UNCX: variants seen among roughly 807,000 people sequenced by gnomAD.
UNCX encodes the protein UNC homeobox.
A neutral mutation model predicts 14.8 loss-of-function variants in UNCX; 4 were observed. The ratio of observed to expected loss-of-function variants is 0.27; its 90% CI spans 0.13 to 0.62. The LOEUF is 0.62. UNCX is among the 20% of genes least tolerant of loss of function. The pLI is 0.86. For synonymous variants in UNCX, 459 were observed against 395.8 expected (o/e 1.16, Z -1.90); for missense variants, 749 against 786.8 (o/e 0.95, Z 0.58).
chr7:1,233,416 C>CCG lies in UNCX; in HGVS notation c.275-103_275-102insGC, dbSNP rs997917352. The CCG allele has an allele frequency of 6.2e-5, 52 of 839,576 alleles. No individual in the cohort carries two copies. The highest frequency in any genetic ancestry group is 7.5e-5 in the Non-Finnish European group (52 of 694,910). The allele number at this position is 839,576 out of a possible 1,614,324, so 52.0% of individuals were successfully genotyped here. A position where few individuals can be genotyped will look rare whatever the true frequency, so the allele number is the denominator to read the frequency against. On this transcript the variant is annotated intron_variant, in intron 1 of 2. Transcript: ENST00000316333. The surrounding 1 kb of genome is among the most constrained non-coding windows in gnomAD (Gnocchi z 5.3). ...CGGCTCCTAGGCGGCCGTCTCTGCG[C>CCG]CCCCCCCCCCGGATCCAGGCGGCCA...
In UNCX at chr7:1,236,044, G is replaced by C. The variant is rs770153027; in HGVS notation, c.663G>C (p.Ser221=). ...LLKSQGRHLH[S]PGGLSLHSAP... ...AGAGCCAGGGCCGCCACTTGCACTC[G>C]CCCGGCGGCCTGTCCCTGCACAGCG... The change falls in exon 3 of 3, where the codon TCG becomes TCC. Residue 221 remains serine, a synonymous_variant. Transcript: ENST00000316333. The surrounding 1 kb of genome is among the most constrained non-coding windows in gnomAD (Gnocchi z 6.9). 2.5e-6 allele frequency: 4 copies of C among 1,602,312 alleles called. No homozygotes were observed. In the South Asian group the frequency reaches 4.5e-5, roughly 18 times the overall value.
Position 1,236,046 on chromosome 7 carries a change from C to A in UNCX, c.665C>A (p.Pro222His), listed in dbSNP as rs1182223977. 3 of 1,602,328 alleles carry A rather than the reference C, an allele frequency of 1.9e-6. No homozygotes were observed. The highest frequency in any genetic ancestry group is 2.6e-6 in the Non-Finnish European group (3 of 1,175,682). Residue 222 changes from proline to histidine, a missense_variant, in exon 3 of 3, where the codon CCC becomes CAC. Transcript: ENST00000316333. The surrounding 1 kb of genome is among the most constrained non-coding windows in gnomAD (Gnocchi z 6.9). ...AGCCAGGGCCGCCACTTGCACTCGC[C>A]CGGCGGCCTGTCCCTGCACAGCGCG... ...LKSQGRHLHS[P>H]GGLSLHSAPS... is the part of the protein sequence containing the mutation.
chr7:1,235,800 G>A (rs755009159), intron 2 of UNCX, 32 bp from the exon 3 acceptor site: 3 of 1,589,822 alleles, frequency 1.9e-6, no homozygotes, highest in Non-Finnish European at 1.7e-6. Context: ...CCGCCTGATT[G>A]TGGCTTCCTC....
chr7:1,237,021 T>C lies in UNCX; in HGVS notation c.*44T>C. ...AGGCGCGTAGCCGGCCCGCGGCCGC[T>C]CGCTCAGGCTCCGACTCACGCAACG... is the stretch of plus-strand genomic sequence containing the variant. On this transcript the variant is annotated 3_prime_UTR_variant, in exon 3 of 3. Transcript: ENST00000316333. This position sits in a 1 kb window ranked among gnomAD's most constrained non-coding sequence, Gnocchi z 5.8. The C allele has an allele frequency of 8.8e-7, 1 of 1,132,432 alleles. No homozygotes were observed. Among genetic ancestry groups the C allele is most frequent in the Non-Finnish European group, 1.1e-6 (1 of 923,858 alleles). 70.1% of individuals were successfully genotyped at this position (1,132,432 alleles called of 1,614,324 possible).
rs866965676 is a variant in UNCX at position 1,233,420 on chromosome 7, C to G, written c.275-100C>G. On this transcript the variant is annotated intron_variant, in intron 1 of 2. Transcript: ENST00000316333. The surrounding 1 kb of genome is among the most constrained non-coding windows in gnomAD (Gnocchi z 5.3). ...TCCTAGGCGGCCGTCTCTGCGCCCCCCCCCCCGGATCCAGGCGGCCAGCGG... is the reference window on the plus strand; with the variant it reads ...TCCTAGGCGGCCGTCTCTGCGCCCCGCCCCCCGGATCCAGGCGGCCAGCGG... The G allele has an allele frequency of 1.9e-4, 259 of 1,373,350 alleles. 6 individuals carry two copies. In the African/African-American group the frequency reaches 3.6e-3, roughly 19 times the overall value. 85.1% of individuals were successfully genotyped at this position (1,373,350 alleles called of 1,614,324 possible). A position where few individuals can be genotyped will look rare whatever the true frequency, so the allele number is the denominator to read the frequency against.
At chr7:1,235,441 C>G (rs1778720071) in intron 2 of UNCX, among the ~76,000 whole-genome samples, 1 of 151,762 alleles carries the variant, frequency 6.6e-6, no homozygotes, top group Non-Finnish European at 1.5e-5. Context: ...GCCGGGCGGG[C>G]TGCTTAGAAC....
chr7:1,233,399 A>C lies in UNCX; in HGVS notation c.274+108A>C. 1 of 1,064,964 alleles carries C rather than the reference A, an allele frequency of 9.4e-7. No individual in the cohort carries two copies. Among genetic ancestry groups the C allele is most frequent in the Non-Finnish European group, 1.2e-6 (1 of 854,098 alleles). The allele number at this position is 1,064,964 out of a possible 1,614,324, so 66.0% of individuals were successfully genotyped here. On this transcript the variant is annotated intron_variant, in intron 1 of 2. Transcript: ENST00000316333. This position sits in a 1 kb window ranked among gnomAD's most constrained non-coding sequence, Gnocchi z 5.3. ...GGCTGGCGAAGGAGAGCCGGCTCCT[A>C]GGCGGCCGTCTCTGCGCCCCCCCCC... is the stretch of plus-strand genomic sequence containing the variant.
chr7:1,236,913 T>G lies in UNCX; in HGVS notation c.1532T>G (p.Val511Gly). 8.5e-7 allele frequency: 1 copy of G among 1,176,182 alleles called. No individual in the cohort carries two copies. 72.9% of individuals were successfully genotyped at this position (1,176,182 alleles called of 1,614,324 possible). ...SPAEEPATCG[V>G]PEPGAAAGPS... The stretch of plus-strand genomic sequence containing the variant: ...GCCGAGGAGCCGGCCACCTGCGGGG[T>G]TCCCGAGCCTGGCGCGGCGGCCGGA... The change falls in exon 3 of 3, where the codon GTT becomes GGT. Residue 511 changes from valine (V) to glycine (G), a missense_variant. Val to Gly is a moderately radical substitution (Grantham distance 109). Transcript: ENST00000316333. This position sits in a 1 kb window ranked among gnomAD's most constrained non-coding sequence, Gnocchi z 6.9.
Position 1,237,269 on chromosome 7 carries a change from A to C in UNCX, c.*292A>C, listed in dbSNP as rs1402000000. 6.3e-6 allele frequency: 1 copy of C among 158,980 alleles called. No homozygotes were observed. Among genetic ancestry groups the C allele is most frequent in the African/African-American group, 2.4e-5 (1 of 41,606 alleles). 9.8% of individuals were successfully genotyped at this position (158,980 alleles called of 1,614,324 possible). A position where few individuals can be genotyped will look rare whatever the true frequency, so the allele number is the denominator to read the frequency against. Reference sequence around the variant, plus strand: ...ATCCTCAGCCTTGTAAAATGCAAAAATGTCTAAGAATATTTATATATGTAC... The same window carrying C: ...ATCCTCAGCCTTGTAAAATGCAAAACTGTCTAAGAATATTTATATATGTAC... On this transcript the variant is annotated 3_prime_UTR_variant, in exon 3 of 3. Coordinates refer to ENST00000316333, the MANE Select transcript of UNCX (RefSeq NM_001080461.3). The surrounding 1 kb of genome is among the most constrained non-coding windows in gnomAD (Gnocchi z 5.8).
intron 2 of UNCX, among the ~76,000 whole-genome samples, chr7:1,234,319 T>C (rs1414739680): frequency 6.6e-5 from 10 of 152,258 alleles, no homozygotes; most frequent in African/African-American, 1.9e-4. Context: ...CTCATCTTTT[T>C]CTTACGACTG....
At position 1,236,308 on chromosome 7, in the gene UNCX, G is replaced by A; in HGVS notation, c.927G>A (p.Ser309=). 1 of 1,346,070 alleles carries A rather than the reference G, an allele frequency of 7.4e-7. No homozygotes were observed. The highest frequency in any genetic ancestry group is 9.6e-7 in the Non-Finnish European group (1 of 1,045,808). 83.4% of individuals were successfully genotyped at this position (1,346,070 alleles called of 1,614,324 possible). ...GCCCTGCGGACAAGGACGCGGCCTC[G>A]TGCGGGCCAGGGGCCGCTGTGGCGG... ...PGRPADKDAA[S]CGPGAAVAAV... is the part of the protein sequence containing the mutation. Residue 309 remains serine (S), a synonymous_variant, in exon 3 of 3, where the codon TCG becomes TCA. Transcript: ENST00000316333. This position sits in a 1 kb window ranked among gnomAD's most constrained non-coding sequence, Gnocchi z 6.9.
chr7:1,234,917 G>A (rs2885341), intron 2 of UNCX, among the ~76,000 whole-genome samples: 2 of 152,088 alleles, frequency 1.3e-5, no homozygotes, highest in Non-Finnish European at 2.9e-5. Flanking sequence ...CCGTATTAAC[G>A]CGCCCTCCTG....
In UNCX at chr7:1,233,740, G is replaced by C; in HGVS notation, c.450+45G>C. On this transcript the variant is annotated intron_variant, in intron 2 of 2. Transcript: ENST00000316333. The surrounding 1 kb of genome is among the most constrained non-coding windows in gnomAD (Gnocchi z 5.3). ...CCCGGATCTGCCATCCGGACCCCAG[G>C]CTCTGGGCGCGCCGGGACGCCTTTG... The C allele has an allele frequency of 3.2e-6, 5 of 1,558,598 alleles. No homozygotes were observed. Among genetic ancestry groups the C allele is most frequent in the South Asian group, 1.2e-5 (1 of 86,180 alleles).
Position 1,233,170 on chromosome 7 carries a change from C to T in UNCX, c.153C>T (p.Pro51=), listed in dbSNP as rs749990364. The T allele has an allele frequency of 5.1e-5, 75 of 1,463,592 alleles. No individual in the cohort carries two copies. The highest frequency in any genetic ancestry group is 6.2e-5 in the Non-Finnish European group (69 of 1,111,890). The allele number at this position is 1,463,592 out of a possible 1,614,324, so 90.7% of individuals were successfully genotyped here. The part of the protein sequence containing the change: ...LQSAAAAASV[P]FSIDGLLGGS... ...CGGCCGCCGCCGCCGCCTCGGTGCCCTTCTCCATCGACGGCCTGCTCGGGG... is the reference window on the plus strand; with the variant it reads ...CGGCCGCCGCCGCCGCCTCGGTGCCTTTCTCCATCGACGGCCTGCTCGGGG... Residue 51 remains proline, a synonymous_variant, in exon 1 of 3, where the codon CCC becomes CCT. Transcript: ENST00000316333. The surrounding 1 kb of genome is among the most constrained non-coding windows in gnomAD (Gnocchi z 5.3).
Position 1,236,421 on chromosome 7 carries a change from C to T in UNCX, c.1040C>T (p.Ala347Val). ...LLSDSPPRRKAASNAAAAAAA... is the reference protein window; with the variant it reads ...LLSDSPPRRKVASNAAAAAAA... The stretch of plus-strand genomic sequence containing the variant: ...TCCGACTCGCCGCCGCGCCGGAAAG[C>T]CGCTTCCAACGCCGCCGCCGCCGCC... Residue 347 changes from alanine (A) to valine (V), a missense_variant, in exon 3 of 3, where the codon GCC becomes GTC. Ala to Val is a moderately conservative substitution (Grantham distance 64, BLOSUM62 0). Transcript: ENST00000316333. The surrounding 1 kb of genome is among the most constrained non-coding windows in gnomAD (Gnocchi z 6.9). The T allele has an allele frequency of 7.3e-7, 1 of 1,368,682 alleles. No homozygotes were observed. The highest frequency in any genetic ancestry group is 1.5e-5 in the South Asian group (1 of 67,742). The allele number at this position is 1,368,682 out of a possible 1,614,324, so 84.8% of individuals were successfully genotyped here.
chr7:1,236,083 C>T lies in UNCX; in HGVS notation c.702C>T (p.Asp234=). 6.4e-7 allele frequency: 1 copy of T among 1,556,322 alleles called. No individual in the cohort carries two copies. Among genetic ancestry groups the T allele is most frequent in the Non-Finnish European group, 8.7e-7 (1 of 1,151,780 alleles). ...GLSLHSAPSS[D]SDSGGGGLSP... ...CCCTGCACAGCGCGCCCAGCTCCGA[C>T]AGCGACAGCGGCGGCGGCGGCCTGT... Residue 234 remains aspartate (D), a synonymous_variant, in exon 3 of 3, where the codon GAC becomes GAT. Transcript: ENST00000316333. The surrounding 1 kb of genome is among the most constrained non-coding windows in gnomAD (Gnocchi z 6.9).
Position 1,233,755 on chromosome 7 carries a change from G to T in UNCX, c.450+60G>T. 1.3e-6 allele frequency: 2 copies of T among 1,544,494 alleles called. No individual in the cohort carries two copies. Among genetic ancestry groups the T allele is most frequent in the Non-Finnish European group, 1.7e-6 (2 of 1,142,952 alleles). Reference sequence around the variant, plus strand: ...CGGACCCCAGGCTCTGGGCGCGCCGGGACGCCTTTGTTCCAGGTGGCGAGA... The same window carrying T: ...CGGACCCCAGGCTCTGGGCGCGCCGTGACGCCTTTGTTCCAGGTGGCGAGA... On this transcript the variant is annotated intron_variant, in intron 2 of 2. Coordinates refer to ENST00000316333, the MANE Select transcript of UNCX (RefSeq NM_001080461.3). This position sits in a 1 kb window ranked among gnomAD's most constrained non-coding sequence, Gnocchi z 5.3.
In UNCX at chr7:1,236,133, C is replaced by G; in HGVS notation, c.752C>G (p.Pro251Arg). 7.8e-7 allele frequency: 1 copy of G among 1,274,432 alleles called. No individual in the cohort carries two copies. The highest frequency in any genetic ancestry group is 9.9e-7 in the Non-Finnish European group (1 of 1,011,478). The allele number at this position is 1,274,432 out of a possible 1,614,324, so 78.9% of individuals were successfully genotyped here. Residue 251 changes from proline (P) to arginine (R), a missense_variant, in exon 3 of 3, where the codon CCG becomes CGG. By Grantham distance (103) the Pro-to-Arg change is moderately radical (BLOSUM62 -2). Around this residue, in one of 3 missense-constraint regions of UNCX, gnomAD observed 552 missense variants for 507.2 expected, o/e 1.09. Coordinates refer to ENST00000316333, the MANE Select transcript of UNCX (RefSeq NM_001080461.3). The surrounding 1 kb of genome is among the most constrained non-coding windows in gnomAD (Gnocchi z 6.9). Reference sequence around the variant, plus strand: ...TCTCCGGAGCCGCCCGAGCCGCCGCCGCCCGCCGCCAAGGGCCCCGGAGCG... The same window carrying G: ...TCTCCGGAGCCGCCCGAGCCGCCGCGGCCCGCCGCCAAGGGCCCCGGAGCG... ...GLSPEPPEPP[P>R]PAAKGPGAHA...
At position 1,232,923 on chromosome 7, in the gene UNCX, C is replaced by T; in HGVS notation, c.-95C>T. On this transcript the variant is annotated 5_prime_UTR_variant, in exon 1 of 3. Coordinates refer to ENST00000316333, the MANE Select transcript of UNCX (RefSeq NM_001080461.3). ...GTGTGGGGCTCCGGGTCCCTGTCTC[C>T]GCCGCCGCCGCCCGCGCCTCCCGCC... 6.3e-6 allele frequency: 4 copies of T among 638,512 alleles called. No individual in the cohort carries two copies. The highest frequency in any genetic ancestry group is 5.8e-6 in the Non-Finnish European group (3 of 515,214). 39.6% of individuals were successfully genotyped at this position (638,512 alleles called of 1,614,324 possible).
Sources: allele counts gnomAD v4.1 joint callset (sites outside exome capture counted in the v4.1 genomes callset), GRCh38; gene constraint gnomAD v4.1.1; regional missense constraint gnomAD v4.1.1; non-coding constraint Gnocchi (gnomAD v3.1); transcripts MANE v1.5; gene names NCBI Gene and HGNC (gene_info 2026-07-23, HGNC 2026-07-21).